ZFHX3: variants seen among roughly 807,000 people sequenced by gnomAD.
ZFHX3 encodes zinc finger homeobox 3, also known as zinc finger homeobox protein 3.
ZFHX3 carries 42 observed loss-of-function variants against 279.1 expected under a neutral mutation model. The observed-to-expected ratio is 0.15, with a 90% confidence interval of 0.12 to 0.19. The LOEUF (loss-of-function observed/expected upper bound fraction) is 0.19. Among genes scored for constraint, ZFHX3 ranks in the 10% least tolerant of loss-of-function variants. The pLI is 1.00. For synonymous variants in ZFHX3, 2,293 were observed against 1,957.8 expected (o/e 1.17, Z -4.52); for missense variants, 4,981 against 4,754.0 (o/e 1.05, Z -1.40).
At chr16:73,298,088 G>C (rs2014960427) in intron 4 of ZFHX3, among the ~76,000 whole-genome samples, 1 of 151,748 alleles carries the variant, frequency 6.6e-6, no homozygotes, top group South Asian at 2.1e-4. Flanking sequence ...CGACCTGGGA[G>C]GCTGAGGTAG....
At chr16:73,784,962 G>T (rs1224136735) in intron 1 of ZFHX3, among the ~76,000 whole-genome samples, 3 of 151,566 alleles carry the variant, frequency 2.0e-5, no homozygotes, top group African/African-American at 7.3e-5. Flanking sequence ...TCTTTTAGTT[G>T]TTTCTTCTGG....
intron 3 of ZFHX3, among the ~76,000 whole-genome samples, chr16:73,325,431 T>C (rs1447195628): frequency 6.6e-6 from 1 of 152,096 alleles, no homozygotes. Context: ...TGCCCTAGGA[T>C]CTGGGGTGAG....
At chr16:73,091,785 A>C (rs1966086065) in intron 8 of ZFHX3, among the ~76,000 whole-genome samples, 1 of 152,230 alleles carries the variant, frequency 6.6e-6, no homozygotes, top group Admixed American at 6.5e-5. Context: ...AATGGCCACA[A>C]GGATCACTGT....
chr16:73,787,966 C>G (rs1959703913), intron 1 of ZFHX3, among the ~76,000 whole-genome samples: 1 of 151,970 alleles, frequency 6.6e-6, no homozygotes, highest in African/African-American at 2.4e-5. Context: ...ACTGGGGTAG[C>G]TGAAGAGAGT....
intron 5 of ZFHX3, among the ~76,000 whole-genome samples, chr16:73,210,677 A>C (rs2011979406): frequency 6.6e-6 from 1 of 152,194 alleles, no homozygotes; most frequent in Non-Finnish European, 1.5e-5. Flanking sequence ...AGCATACAGA[A>C]CAAGGTTTCA....
chr16:73,307,661 C>T (rs1252414524), intron 4 of ZFHX3, among the ~76,000 whole-genome samples: 1 of 152,172 alleles, frequency 6.6e-6, no homozygotes, highest in African/African-American at 2.4e-5. Context: ...TTCTTCCCTT[C>T]TCACCCTTGG....
At chr16:73,592,469 T>C (rs2052009515) in intron 2 of ZFHX3, among the ~76,000 whole-genome samples, 1 of 152,136 alleles carries the variant, frequency 6.6e-6, no homozygotes, top group African/African-American at 2.4e-5. Flanking sequence ...TATATATATT[T>C]ATAAAGTTCC....
intron 3 of ZFHX3, among the ~76,000 whole-genome samples, chr16:72,937,405 G>C (rs150722523): frequency 1.3e-5 from 2 of 152,182 alleles, no homozygotes; most frequent in African/African-American, 4.8e-5. Flanking sequence ...TGAAAGGTCC[G>C]GCGAATTAGG....
intron 2 of ZFHX3, among the ~76,000 whole-genome samples, chr16:73,471,203 G>A (rs1279998412): frequency 1.3e-5 from 2 of 152,196 alleles, no homozygotes; most frequent in Non-Finnish European, 2.9e-5. Context: ...CTTAGGATGT[G>A]TAACTGGTAC....
chr16:73,849,779 C>G (rs76305443), intron 1 of ZFHX3, among the ~76,000 whole-genome samples: 2 of 152,244 alleles, frequency 1.3e-5, no homozygotes. Context: ...GTCGCCCAGG[C>G]TAGAGTACGA....
At chr16:72,912,989 T>C (rs1242752905) in intron 3 of ZFHX3, among the ~76,000 whole-genome samples, 1 of 152,178 alleles carries the variant, frequency 6.6e-6, no homozygotes, top group Non-Finnish European at 1.5e-5. Context: ...TCCGAAAGTG[T>C]TGGGATTACA....
At chr16:73,770,779 T>G (rs2054009173) in intron 1 of ZFHX3, among the ~76,000 whole-genome samples, 1 of 152,238 alleles carries the variant, frequency 6.6e-6, no homozygotes, top group Admixed American at 6.5e-5. Flanking sequence ...ATGATCATGC[T>G]TGAAGCTACA....
chr16:73,579,636 G>A (rs1222227380), intron 2 of ZFHX3, among the ~76,000 whole-genome samples: 1 of 150,540 alleles, frequency 6.6e-6, no homozygotes. Flanking sequence ...CGAGTAGCTG[G>A]GACTACAGGC....
At chr16:73,459,152 G>A (rs144048828) in intron 2 of ZFHX3, among the ~76,000 whole-genome samples, 268 of 152,308 alleles carry the variant, frequency 1.8e-3, no homozygotes, top group African/African-American at 6.3e-3. Context: ...AAAAGCTCAT[G>A]GAGTCCCTGG....
At chr16:73,152,008 G>T (rs886253154) in intron 5 of ZFHX3, among the ~76,000 whole-genome samples, 1 of 147,220 alleles carries the variant, frequency 6.8e-6, no homozygotes, top group South Asian at 2.3e-4. Context: ...GGCCCTATCA[G>T]TTACTGAGAA....
At chr16:73,603,338 C>A (rs1179277753) in intron 2 of ZFHX3, among the ~76,000 whole-genome samples, 1 of 151,266 alleles carries the variant, frequency 6.6e-6, no homozygotes, top group Non-Finnish European at 1.5e-5. Flanking sequence ...ATAAACATGT[C>A]AGTAAAAAAT....
intron 1 of ZFHX3, among the ~76,000 whole-genome samples, chr16:73,027,669 CA>C (rs1400393999): frequency 6.6e-6 from 1 of 152,134 alleles, no homozygotes; most frequent in Non-Finnish European, 1.5e-5. Flanking sequence ...CCACTGCCCC[CA>C]CCACCAAGAA....
chr16:73,643,030 C>T (rs1187307623), intron 2 of ZFHX3, among the ~76,000 whole-genome samples: 2 of 152,116 alleles, frequency 1.3e-5, no homozygotes, highest in African/African-American at 4.8e-5. Context: ...AAAGAAAAAT[C>T]CCCCAGTGTA....
intron 1 of ZFHX3, among the ~76,000 whole-genome samples, chr16:73,680,888 A>G (rs1268413096): frequency 6.6e-6 from 1 of 152,240 alleles, no homozygotes; most frequent in Non-Finnish European, 1.5e-5. Flanking sequence ...CATTATTCAT[A>G]TATAATTACT....
Sources: allele counts gnomAD v4.1 joint callset (sites outside exome capture counted in the v4.1 genomes callset), GRCh38; gene constraint gnomAD v4.1.1; transcripts MANE v1.5; gene names NCBI Gene and HGNC (gene_info 2026-07-23, HGNC 2026-07-21).